The following ADGRB1 variants were observed in gnomAD, a reference collection of about 807,000 sequenced individuals.
ADGRB1 encodes adhesion G protein-coupled receptor B1.
Under a neutral mutation model 175.7 loss-of-function variants are expected in ADGRB1, and 36 were observed. That is an observed-to-expected ratio of 0.20 (90% CI 0.16 to 0.27). ADGRB1 has a LOEUF of 0.27. ADGRB1 is among the 10% of genes least tolerant of loss of function. The pLI is 1.00. For missense variants in ADGRB1, 1,731 were observed against 2,255.3 expected, an observed-to-expected ratio of 0.77 and a Z score of 4.71; for synonymous variants, 1,054 against 979.4, an observed-to-expected ratio of 1.08 and a Z score of -1.42.
Position 142,521,946 on chromosome 8 carries a change from C to A in ADGRB1, c.3025-19C>A, listed in dbSNP as rs376791634. 6.4e-7 allele frequency: 1 copy of A among 1,569,162 alleles called. No individual in the cohort carries two copies. On this transcript the variant is annotated intron_variant, in intron 20 of 30. Coordinates refer to ENST00000517894, the MANE Select transcript of ADGRB1 (RefSeq NM_001702.3). ...CGGGGAGCACCTGCCCAGCCTGCCC[C>A]GCCCTGGGCCCCACACAGGTGGTGT...
At chr8:142,475,805 G>C (rs1418078492) in intron 3 of ADGRB1, among the ~76,000 whole-genome samples, 170 bp downstream of exon 3, 1 of 149,206 alleles carries the variant, frequency 6.7e-6, no homozygotes, top group Non-Finnish European at 1.5e-5. Flanking sequence ...GGTAGGGGCG[G>C]GGCCGGGGCC....
intron 2 of ADGRB1, 40 bp from the exon 3 acceptor site, chr8:142,475,434 C>T: frequency 7.9e-7 from 1 of 1,269,410 alleles, no homozygotes; most frequent in Non-Finnish European, 9.9e-7. Flanking sequence ...GCCACGAGCC[C>T]CTGCCCTGCC....
Position 142,464,410 on chromosome 8 carries a change from C to T in ADGRB1, c.212C>T (p.Thr71Met), listed in dbSNP as rs1051979380. The change falls in exon 2 of 31, where the codon ACG becomes ATG. Residue 71 changes from threonine (T) to methionine (M), a missense_variant. Coordinates refer to ENST00000517894, the MANE Select transcript of ADGRB1 (RefSeq NM_001702.3). ...FPANASRCSWTLRNPDPRRYT... is the reference protein window; with the variant it reads ...FPANASRCSWMLRNPDPRRYT... ...GCCAACGCCTCGCGCTGCTCCTGGACGCTACGCAACCCGGACCCGCGGCGC... is the reference window on the plus strand; with the variant it reads ...GCCAACGCCTCGCGCTGCTCCTGGATGCTACGCAACCCGGACCCGCGGCGC... The T allele has an allele frequency of 6.5e-7, 1 of 1,542,058 alleles. No individual in the cohort carries two copies. The highest frequency in any genetic ancestry group is 1.4e-5 in the African/African-American group (1 of 71,472).
intron 17 of ADGRB1, among the ~76,000 whole-genome samples, chr8:142,495,785 A>G (rs1842184660): frequency 6.6e-6 from 1 of 152,106 alleles, no homozygotes; most frequent in African/African-American, 2.4e-5. Context: ...ACTCAATTAC[A>G]TCTACAAAAA....
chr8:142,537,828 A>G lies in ADGRB1; in HGVS notation c.3666+746A>G, dbSNP rs1040341987. ...CCCCCTGTGGAGCCTCAACTCTTCC[A>G]CACCTCGACCTCAGCATCTTCCTCC... On this transcript the variant is annotated intron_variant, in intron 26 of 30. Coordinates refer to ENST00000517894, the MANE Select transcript of ADGRB1 (RefSeq NM_001702.3). This position sits in a 1 kb window ranked among gnomAD's most constrained non-coding sequence, Gnocchi z 4.6. Among the ~76,000 whole-genome samples the G allele has an allele frequency of 6.6e-6, 1 of 151,628 alleles. No individual in the cohort carries two copies. The highest frequency in any genetic ancestry group is 1.5e-5 in the Non-Finnish European group (1 of 67,870).
chr8:142,541,494 C>T (rs567255183), intron 27 of ADGRB1, among the ~76,000 whole-genome samples: 1 of 152,280 alleles, frequency 6.6e-6, no homozygotes, highest in Non-Finnish European at 1.5e-5. Context: ...CCACTGGGCT[C>T]CCGCACACTG....
In ADGRB1 at chr8:142,450,060, C is replaced by A. The variant is rs1839244129; in HGVS notation, c.-264C>A. 6.7e-6 allele frequency: 1 copy of A among 149,634 alleles called. No individual in the cohort carries two copies. Among genetic ancestry groups the A allele is most frequent in the Admixed American group, 6.6e-5 (1 of 15,102 alleles). The allele number at this position is 149,634 out of a possible 1,614,324, so 9.3% of individuals were successfully genotyped here. ...GAGGCGCTCGCGGGGATTTGCAACT[C>A]GCCGGATCGAGTCCTCGCCGGCGGG... On this transcript the variant is annotated 5_prime_UTR_variant, in exon 1 of 31. Transcript: ENST00000517894.
chr8:142,519,853 T>A (rs1363449806), intron 19 of ADGRB1, among the ~76,000 whole-genome samples: 1 of 150,048 alleles, frequency 6.7e-6, no homozygotes, highest in Non-Finnish European at 1.5e-5. Context: ...GTGATGGTAA[T>A]GGTCGTGGTG....
chr8:142,515,029 G>A (rs1009280102), intron 18 of ADGRB1, among the ~76,000 whole-genome samples: 1 of 152,172 alleles, frequency 6.6e-6, no homozygotes, highest in East Asian at 1.9e-4. Context: ...AAGATTGGGA[G>A]TGGGAGTTCA....
At chr8:142,512,976 G>A (rs540673752) in intron 18 of ADGRB1, among the ~76,000 whole-genome samples, 5 of 152,246 alleles carry the variant, frequency 3.3e-5, no homozygotes, top group East Asian at 1.9e-4. Flanking sequence ...AGCGGGGGGC[G>A]GGGGTGGAGG....
intron 17 of ADGRB1, among the ~76,000 whole-genome samples, chr8:142,496,347 G>C (rs1384293125): frequency 2.6e-5 from 4 of 151,400 alleles, no homozygotes. Context: ...TGTGTAGATG[G>C]ATAGATGGGT....
rs1845407319 is a variant in ADGRB1, at chr8:142,543,481, T to C, written c.4449+43T>C. ...CCCCCACCAGACACTTAGGGCCAGA[T>C]GTGCTCTGGGCTCCCACACGGCCAG... is the stretch of plus-strand genomic sequence containing the variant. On this transcript the variant is annotated intron_variant, in intron 29 of 30. Coordinates refer to ENST00000517894, the MANE Select transcript of ADGRB1 (RefSeq NM_001702.3). This position sits in a 1 kb window ranked among gnomAD's most constrained non-coding sequence, Gnocchi z 4.4. The C allele has an allele frequency of 1.2e-6, 2 of 1,612,338 alleles. No individual in the cohort carries two copies. The highest frequency in any genetic ancestry group is 1.7e-6 in the Non-Finnish European group (2 of 1,179,220).
At chr8:142,483,426 G>T (rs1841486661) in intron 11 of ADGRB1, among the ~76,000 whole-genome samples, 1 of 144,708 alleles carries the variant, frequency 6.9e-6, no homozygotes, top group African/African-American at 2.6e-5. Flanking sequence ...GCTGAGTCCT[G>T]ACCCTGGTCA....
At chr8:142,451,356 C>T (rs912268098) in intron 1 of ADGRB1, among the ~76,000 whole-genome samples, 3 of 152,174 alleles carry the variant, frequency 2.0e-5, no homozygotes, top group African/African-American at 4.8e-5. Context: ...TTATTTTGGG[C>T]TTCTAAGTTT....
Position 142,542,131 on chromosome 8 carries a change from G to A in ADGRB1, c.3897G>A (p.Leu1299=), listed in dbSNP as rs368761546. 2 of 1,613,246 alleles carry A rather than the reference G, an allele frequency of 1.2e-6. No individual in the cohort carries two copies. Among genetic ancestry groups the A allele is most frequent in the East Asian group, 2.2e-5 (1 of 44,822 alleles). ...HGSPRYPGGP[L]PDFPNHSLTL... is the part of the protein sequence containing the mutation. Reference sequence around the variant, plus strand: ...CACCCCGCTATCCCGGCGGGCCCCTGCCCGACTTCCCCAACCACTCACTGA... The same window carrying A: ...CACCCCGCTATCCCGGCGGGCCCCTACCCGACTTCCCCAACCACTCACTGA... Residue 1299 remains leucine, a synonymous_variant, in exon 28 of 31, where the codon CTG becomes CTA. Coordinates refer to ENST00000517894, the MANE Select transcript of ADGRB1 (RefSeq NM_001702.3). This position sits in a 1 kb window ranked among gnomAD's most constrained non-coding sequence, Gnocchi z 6.3.
At chr8:142,494,722 A>G (rs112428422) in intron 17 of ADGRB1, among the ~76,000 whole-genome samples, 1,748 of 149,888 alleles carry the variant, frequency 0.012, 33 homozygotes, top group African/African-American at 0.041. Flanking sequence ...CCAAACCCCA[A>G]CCTCCCAGGC....
chr8:142,511,615 G>C lies in ADGRB1; in HGVS notation c.2817+542G>C, dbSNP rs1019861072. On this transcript the variant is annotated intron_variant, in intron 18 of 30. Transcript: ENST00000517894. The surrounding 1 kb of genome is among the most constrained non-coding windows in gnomAD (Gnocchi z 4.5). Reference sequence around the variant, plus strand: ...ACCGCCCCCCAGGCCTCAGCACCTCGGGGCTTCCTTTTTGTTCCTGTGATT... The same window carrying C: ...ACCGCCCCCCAGGCCTCAGCACCTCCGGGCTTCCTTTTTGTTCCTGTGATT... Among the ~76,000 whole-genome samples, 1 of 152,142 alleles carries C rather than the reference G, an allele frequency of 6.6e-6. No homozygotes were observed. Among genetic ancestry groups the C allele is most frequent in the African/African-American group, 2.4e-5 (1 of 41,432 alleles).
chr8:142,456,459 T>C (rs956475597), intron 1 of ADGRB1, among the ~76,000 whole-genome samples: 5 of 152,100 alleles, frequency 3.3e-5, no homozygotes, highest in Non-Finnish European at 5.9e-5. Context: ...GAAGCACACA[T>C]GCCACGTGCA....
At chr8:142,523,980 T>C (rs1218516699) in intron 22 of ADGRB1, among the ~76,000 whole-genome samples, 1 of 152,084 alleles carries the variant, frequency 6.6e-6, no homozygotes, top group Non-Finnish European at 1.5e-5. Flanking sequence ...GCCCCTGCTG[T>C]GTGGCTCTAA....
Sources: allele counts gnomAD v4.1 joint callset (sites outside exome capture counted in the v4.1 genomes callset), GRCh38; gene constraint gnomAD v4.1.1; non-coding constraint Gnocchi (gnomAD v3.1); transcripts MANE v1.5; gene names NCBI Gene and HGNC (gene_info 2026-07-23, HGNC 2026-07-21).